The following SLC20A2 variants were observed in gnomAD, a reference collection of about 807,000 sequenced individuals.
The protein encoded by SLC20A2 is solute carrier family 20 member 2, also known as sodium-dependent phosphate transporter 2.
A neutral mutation model predicts 61.0 loss-of-function variants in SLC20A2; 30 were observed. The ratio of observed to expected loss-of-function variants is 0.49; its 90% CI spans 0.37 to 0.67. The LOEUF is 0.67. Among genes scored for constraint, SLC20A2 ranks in the 30% least tolerant of loss-of-function variants. SLC20A2 has a pLI of 0.00. For missense variants in SLC20A2, 626 were observed against 866.4 expected (o/e 0.72, Z 3.48); for synonymous variants, 351 against 353.3 (o/e 0.99, Z 0.07).
chr8:42,488,051 T>A (rs570441130), intron 1 of SLC20A2, among the ~76,000 whole-genome samples: 75 of 152,336 alleles, frequency 4.9e-4, no homozygotes, highest in African/African-American at 1.5e-3. Flanking sequence ...CGTTGCAGCA[T>A]GTATGAGGAT....
chr8:42,478,897 C>T (rs1808361060), intron 1 of SLC20A2, among the ~76,000 whole-genome samples: 1 of 151,418 alleles, frequency 6.6e-6, no homozygotes, highest in African/African-American at 2.4e-5. Context: ...AAAAAAAACA[C>T]AGTTCTCTTT....
chr8:42,474,737 G>C (rs1453370548), intron 1 of SLC20A2, among the ~76,000 whole-genome samples: 1 of 152,188 alleles, frequency 6.6e-6, no homozygotes, highest in Non-Finnish European at 1.5e-5. Context: ...GGCACATCTG[G>C]GAAGTCCAGT....
intron 1 of SLC20A2, among the ~76,000 whole-genome samples, chr8:42,481,076 T>C (rs1268276229): frequency 6.6e-6 from 1 of 152,194 alleles, no homozygotes; most frequent in African/African-American, 2.4e-5. Flanking sequence ...CTGAACTGAA[T>C]AGAAAGTATC....
rs7819636 is a variant in SLC20A2, at chr8:42,457,164, G to A, written c.613+2732C>T. ...GTTTAGAACTCTTGACCTGGTTCAA[G>A]TGATCTGCCTTCCTCAGCCTCCCAA... On this transcript the variant is annotated intron_variant, in intron 5 of 10. Coordinates refer to ENST00000520262, the MANE Select transcript of SLC20A2 (RefSeq NM_001257180.2). 8.0e-3 allele frequency among the ~76,000 whole-genome samples: 1,210 copies of A among 152,132 alleles called. 18 individuals are homozygous for A. Among genetic ancestry groups the A allele is most frequent in the African/African-American group, 0.028 (1,152 of 41,496 alleles).
chr8:42,435,640 G>A (rs538325665), intron 8 of SLC20A2, among the ~76,000 whole-genome samples: 5 of 152,186 alleles, frequency 3.3e-5, no homozygotes, highest in Admixed American at 2.6e-4. Flanking sequence ...CAGGTGGGGT[G>A]GGTGGGGTCA....
At chr8:42,515,099 T>C (rs1197953776) in intron 1 of SLC20A2, among the ~76,000 whole-genome samples, 1 of 152,254 alleles carries the variant, frequency 6.6e-6, no homozygotes, top group African/African-American at 2.4e-5. Flanking sequence ...ATAAGACAGA[T>C]TGATATCACA....
At chr8:42,450,440 C>A (rs1447937546) in intron 5 of SLC20A2, among the ~76,000 whole-genome samples, 1 of 152,070 alleles carries the variant, frequency 6.6e-6, no homozygotes, top group Non-Finnish European at 1.5e-5. Context: ...ATTGGCCAAC[C>A]TGGTCTCGAA....
intron 1 of SLC20A2, chr8:42,480,502 C>T (rs1808476298): frequency 6.6e-6 from 1 of 152,176 alleles, no homozygotes; most frequent in East Asian, 1.9e-4. Context: ...AATTTTTCTC[C>T]AGGCTTACTA....
chr8:42,417,440 G>A lies in SLC20A2; in HGVS notation c.*363C>T, dbSNP rs1802734761. The stretch of plus-strand genomic sequence containing the variant: ...TTGCCATCGAAATAGTTATGTACAA[G>A]ATTTATTGAATATTGACTTCTAGGC... On this transcript the variant is annotated 3_prime_UTR_variant, in exon 11 of 11. Coordinates refer to ENST00000520262, the MANE Select transcript of SLC20A2 (RefSeq NM_001257180.2). 1 of 165,072 alleles carries A rather than the reference G, an allele frequency of 6.1e-6. No homozygotes were observed. Among genetic ancestry groups the A allele is most frequent in the Admixed American group, 5.8e-5 (1 of 17,242 alleles). The allele number at this position is 165,072 out of a possible 1,614,324, so 10.2% of individuals were successfully genotyped here. A position where few individuals can be genotyped will look rare whatever the true frequency, so the allele number is the denominator to read the frequency against.
At chr8:42,471,715 A>T (rs1586138682) in intron 2 of SLC20A2, among the ~76,000 whole-genome samples, 2 of 152,194 alleles carry the variant, frequency 1.3e-5, no homozygotes, top group East Asian at 3.8e-4. Context: ...CTTAAGAAAA[A>T]AATCTAAATC....
chr8:42,427,369 T>A (rs950116836), intron 10 of SLC20A2, among the ~76,000 whole-genome samples: 1 of 152,140 alleles, frequency 6.6e-6, no homozygotes, highest in Non-Finnish European at 1.5e-5. Flanking sequence ...GAGGTGAAGA[T>A]CTGAATCCTG....
chr8:42,430,391 C>A (rs1390596777), intron 8 of SLC20A2, 142 bp from the exon 9 acceptor site: 2 of 757,694 alleles, frequency 2.6e-6, no homozygotes, highest in Admixed American at 3.1e-5. Context: ...GAGACAGAGT[C>A]TTGCTCTGTT....
At chr8:42,444,853 A>G in intron 5 of SLC20A2, 91 bp from the exon 6 acceptor site, 1 of 818,288 alleles carries the variant, frequency 1.2e-6, no homozygotes, top group Non-Finnish European at 2.1e-6. Flanking sequence ...CCAAATCGAG[A>G]ACGAATCACC....
rs192221650 is a variant in SLC20A2, at chr8:42,533,197, T to C, written c.-265+8624A>G. The stretch of plus-strand genomic sequence containing the variant: ...ACTTCATTCATAAAAGCAAAAATTG[T>C]CCTCAATTTACAGAAGAAAAAATTG... On this transcript the variant is annotated intron_variant, in intron 1 of 10. Coordinates refer to the SLC20A2 transcript ENST00000342228. Among the ~76,000 whole-genome samples the C allele has an allele frequency of 2.6e-4, 40 of 152,282 alleles. 1 individual carries two copies. The Middle Eastern group carries it at 0.01, about 39-fold the overall frequency.
intron 5 of SLC20A2, among the ~76,000 whole-genome samples, chr8:42,447,188 A>T (rs1286606855): frequency 6.6e-6 from 1 of 151,976 alleles, no homozygotes; most frequent in East Asian, 1.9e-4. Context: ...CAAAATAAAA[A>T]CAAAAAGATT....
chr8:42,464,335 T>C (rs1806986512), intron 3 of SLC20A2, among the ~76,000 whole-genome samples: 1 of 150,282 alleles, frequency 6.7e-6, no homozygotes, highest in Admixed American at 6.6e-5. Context: ...TTGCTCAGGC[T>C]GGTCTTGAAC....
chr8:42,497,308 C>G (rs955003058), intron 1 of SLC20A2, among the ~76,000 whole-genome samples: 1 of 152,182 alleles, frequency 6.6e-6, no homozygotes, highest in Admixed American at 6.5e-5. Context: ...ATAATACCCT[C>G]CATCTTTGCA....
rs527291587 is a variant in SLC20A2 at position 42,533,219 on chromosome 8, A to G, written c.-265+8602T>C. On this transcript the variant is annotated intron_variant, in intron 1 of 10. Transcript: ENST00000342228. ...TTGTCCTCAATTTACAGAAGAAAAA[A>G]TTGTTGATGAGGTTAACTGACTTAG... Among the ~76,000 whole-genome samples the G allele has an allele frequency of 2.0e-4, 31 of 152,306 alleles. No homozygotes were observed. The South Asian group carries it at 5.6e-3, about 27-fold the overall frequency.
chr8:42,417,520 G>T lies in SLC20A2; in HGVS notation c.*283C>A. The T allele has an allele frequency of 4.4e-6, 1 of 226,318 alleles. No homozygotes were observed. Among genetic ancestry groups the T allele is most frequent in the Non-Finnish European group, 8.8e-6 (1 of 113,198 alleles). The allele number at this position is 226,318 out of a possible 1,614,324, so 14.0% of individuals were successfully genotyped here. A position where few individuals can be genotyped will look rare whatever the true frequency, so the allele number is the denominator to read the frequency against. On this transcript the variant is annotated 3_prime_UTR_variant, in exon 11 of 11. Transcript: ENST00000520262. ...TTGAAATAATGCTGCCTATTCTATG[G>T]ATACAATAGATATTTAATATATAAG...
Sources: gnomAD v4.1 joint callset for allele counts (sites outside exome capture counted in the v4.1 genomes callset) on GRCh38, gnomAD v4.1.1 for gene constraint, MANE v1.5 for transcripts, NCBI Gene and HGNC (gene_info 2026-07-23, HGNC 2026-07-21) for gene names.